The following GARNL3 variants were observed in gnomAD, a reference collection of about 807,000 sequenced individuals.
The protein encoded by GARNL3 is GTPase-activating Rap/Ran-GAP domain-like protein 3.
A neutral mutation model predicts 125.0 loss-of-function variants in GARNL3; 63 were observed. The ratio of observed to expected loss-of-function variants is 0.50; its 90% confidence interval spans 0.41 to 0.62. GARNL3 has a LOEUF of 0.62. Ranked by LOEUF, GARNL3 falls within the 20% of genes least tolerant of loss-of-function variation. GARNL3 has a pLI of 0.00. For synonymous variants in GARNL3, 439 were observed against 457.5 expected (o/e 0.96, Z 0.52); for missense variants, 994 against 1,244.0 (o/e 0.80, Z 3.02).
chr9:127,247,972 A>G (rs1588681842), intron 2 of GARNL3, among the ~76,000 whole-genome samples: 1 of 152,048 alleles, frequency 6.6e-6, no homozygotes, highest in Non-Finnish European at 1.5e-5. Context: ...CCTACTCTCT[A>G]TCTCCATGAG....
At chr9:127,388,819 A>G (rs1832682415) in intron 25 of GARNL3, 85 bp from the exon 26 acceptor site, 2 of 837,630 alleles carry the variant, frequency 2.4e-6, no homozygotes, top group Non-Finnish European at 4.1e-6. Context: ...CCTTCATGCT[A>G]TGTTAAGGAA....
At chr9:127,276,825 T>A (rs1340483666) in intron 1 of GARNL3, among the ~76,000 whole-genome samples, 2 of 152,254 alleles carry the variant, frequency 1.3e-5, no homozygotes, top group African/African-American at 2.4e-5. Context: ...TTCATATCAC[T>A]GTGTACAGCC....
At chr9:127,311,788 A>G in intron 3 of GARNL3, 53 bp downstream of exon 3, 1 of 1,251,754 alleles carries the variant, frequency 8.0e-7, no homozygotes, top group Non-Finnish European at 1.2e-6. Context: ...AATGGAAGTT[A>G]GTGTTCATAT....
chr9:127,327,912 T>G (rs546378995), intron 7 of GARNL3, among the ~76,000 whole-genome samples: 1 of 152,356 alleles, frequency 6.6e-6, no homozygotes, highest in South Asian at 2.1e-4. Context: ...TGTTACGTTT[T>G]ATATAAAATT....
rs551120186 is a variant in GARNL3 at position 127,364,540 on chromosome 9, A to G, written c.2095-760A>G. 6.6e-6 allele frequency: 1 copy of G among 152,446 alleles called. No individual in the cohort carries two copies. The highest frequency in any genetic ancestry group is 1.9e-4 in the East Asian group (1 of 5,178). 9.4% of individuals were successfully genotyped at this position (152,446 alleles called of 1,614,324 possible). A position where few individuals can be genotyped will look rare whatever the true frequency, so the allele number is the denominator to read the frequency against. On this transcript the variant is annotated intron_variant, in intron 21 of 27. Coordinates refer to ENST00000373387, the MANE Select transcript of GARNL3 (RefSeq NM_032293.5). The surrounding 1 kb of genome is among the most constrained non-coding windows in gnomAD (Gnocchi z 4.2). ...TAGAGGGCTGGAGTTTTGAAAATCA[A>G]GAAGGACCAAGGACACCATCAGGTT...
chr9:127,331,592 C>G (rs566207788), intron 7 of GARNL3, among the ~76,000 whole-genome samples: 3 of 151,974 alleles, frequency 2.0e-5, no homozygotes, highest in African/African-American at 7.2e-5. Context: ...CCCTGTTCCT[C>G]TGTCTTCCTC....
At chr9:127,304,112 A>G (rs543870611) in intron 2 of GARNL3, among the ~76,000 whole-genome samples, 17 of 152,262 alleles carry the variant, frequency 1.1e-4, no homozygotes, top group African/African-American at 3.9e-4. Context: ...TCATCAGCCT[A>G]TTTTCTCCTA....
intron 11 of GARNL3, among the ~76,000 whole-genome samples, chr9:127,337,254 C>T (rs922105668): frequency 6.6e-6 from 1 of 152,106 alleles, no homozygotes; most frequent in Non-Finnish European, 1.5e-5. Flanking sequence ...GGTGGTTCTT[C>T]TTGTATAACA....
chr9:127,225,942 G>A (rs2131114454), intron 1 of GARNL3, among the ~76,000 whole-genome samples: 1 of 152,268 alleles, frequency 6.6e-6, no homozygotes, highest in Middle Eastern at 3.4e-3. Flanking sequence ...CCGCCCGGGC[G>A]CGTGCCCTCC....
intron 21 of GARNL3, chr9:127,363,797 G>A (rs1471815834): frequency 6.6e-6 from 1 of 152,272 alleles, no homozygotes; most frequent in Non-Finnish European, 1.5e-5. Flanking sequence ...GAGACTTTGA[G>A]AATAGTTATG....
chr9:127,376,306 C>G (rs1015696324), intron 22 of GARNL3, among the ~76,000 whole-genome samples: 1 of 151,848 alleles, frequency 6.6e-6, no homozygotes, highest in Admixed American at 6.6e-5. Flanking sequence ...GCAGGCTCCG[C>G]ACCCCGAGTT....
rs1829306797 is a variant in GARNL3, at chr9:127,332,311, A to C, written c.632A>C (p.Lys211Thr). 6.2e-7 allele frequency: 1 copy of C among 1,613,848 alleles called. No homozygotes were observed. Among genetic ancestry groups the C allele is most frequent in the African/African-American group, 1.3e-5 (1 of 74,906 alleles). ...VNFKFGVLFA[K>T]DGQLTDDEMF... ...TTCAAGTTTGGGGTTCTTTTTGCCAAAGATGGGCAGCTCACTGATGATGAG... is the reference window on the plus strand; with the variant it reads ...TTCAAGTTTGGGGTTCTTTTTGCCACAGATGGGCAGCTCACTGATGATGAG... Residue 211 changes from lysine (K) to threonine (T), a missense_variant, in exon 8 of 28, where the codon AAA becomes ACA. Lys to Thr is a moderately conservative substitution (Grantham distance 78). Transcript: ENST00000373387.
chr9:127,331,932 A>G (rs1288552230), intron 7 of GARNL3, among the ~76,000 whole-genome samples: 3 of 151,878 alleles, frequency 2.0e-5, no homozygotes, highest in Non-Finnish European at 4.4e-5. Flanking sequence ...TCATGGGTTG[A>G]TTGGAAGATG....
intron 1 of GARNL3, among the ~76,000 whole-genome samples, chr9:127,274,030 A>G (rs544227718): frequency 2.0e-5 from 3 of 152,322 alleles, no homozygotes; most frequent in South Asian, 4.1e-4. Context: ...TCCTTTAAGT[A>G]AGATATATTT....
chr9:127,289,441 A>G (rs1416281933), intron 1 of GARNL3, among the ~76,000 whole-genome samples: 2 of 152,224 alleles, frequency 1.3e-5, no homozygotes. Context: ...AGAGCTTCCC[A>G]TTGTCCTCTC....
chr9:127,282,670 G>A (rs930368058), intron 1 of GARNL3, among the ~76,000 whole-genome samples: 2 of 152,058 alleles, frequency 1.3e-5, no homozygotes, highest in African/African-American at 4.8e-5. Flanking sequence ...TAATCTTTTT[G>A]AGTTTTTTTT....
intron 5 of GARNL3, 51 bp from the exon 6 acceptor site, chr9:127,320,664 T>A (rs753157949): frequency 2.3e-6 from 3 of 1,309,780 alleles, no homozygotes; most frequent in Admixed American, 3.7e-5. Context: ...TTCTAGAAGC[T>A]CCTTTTTAGC....
At position 127,345,440 on chromosome 9, in the gene GARNL3, C is replaced by T; in HGVS notation, c.1394C>T (p.Pro465Leu). 6.2e-7 allele frequency: 1 copy of T among 1,607,700 alleles called. No individual in the cohort carries two copies. The highest frequency in any genetic ancestry group is 1.1e-5 in the South Asian group (1 of 89,644). The change falls in exon 16 of 28, where the codon CCA becomes CTA. Residue 465 changes from proline to leucine, a missense_variant. Transcript: ENST00000373387. The stretch of plus-strand genomic sequence containing the variant: ...AAATCCATTGTGAGAGGGGATGCTC[C>T]ATCAAGCTTGGCAGCTTCAGGGATC... ...KLKSIVRGDA[P>L]SSLAASGICK...
At chr9:127,231,743 G>A (rs985401146) in intron 1 of GARNL3, among the ~76,000 whole-genome samples, 3 of 152,084 alleles carry the variant, frequency 2.0e-5, no homozygotes, top group East Asian at 1.9e-4. Flanking sequence ...CTACTTAGTC[G>A]GAATCTGTGG....
Sources: allele counts gnomAD v4.1 joint callset (sites outside exome capture counted in the v4.1 genomes callset), GRCh38; gene constraint gnomAD v4.1.1; non-coding constraint Gnocchi (gnomAD v3.1); transcripts MANE v1.5; gene names NCBI Gene and HGNC (gene_info 2026-07-23, HGNC 2026-07-21).